Variants in TNKS observed in about 807,000 individuals in gnomAD.
TNKS encodes poly [ADP-ribose] polymerase tankyrase-1.
A neutral mutation model predicts 135.8 loss-of-function variants in TNKS; 72 were observed. The ratio of observed to expected loss-of-function variants is 0.53; its 90% CI spans 0.44 to 0.64. The LOEUF (loss-of-function observed/expected upper bound fraction) is 0.64, where lower values mean the gene tolerates loss of function less well. TNKS is among the 30% of genes least tolerant of loss of function. The pLI, the probability that TNKS is intolerant of heterozygous loss-of-function variation, is 0.00. For synonymous variants in TNKS, 849 were observed against 649.3 expected, an observed-to-expected ratio of 1.31 and a Z score of -4.68; for missense variants, 1,769 against 1,674.0, an observed-to-expected ratio of 1.06 and a Z score of -0.99.
intron 20 of TNKS, among the ~76,000 whole-genome samples, chr8:9,757,319 C>A (rs1469832125): frequency 6.6e-6 from 1 of 152,054 alleles, no homozygotes; most frequent in Admixed American, 6.5e-5. Flanking sequence ...TAGATAAGGC[C>A]CTTTAAGATC....
Position 9,731,086 on chromosome 8 carries a change from A to C in TNKS, c.2147+51A>C, listed in dbSNP as rs780776317. 20 of 1,476,992 alleles carry C rather than the reference A, an allele frequency of 1.4e-5. 1 individual carries two copies. In the South Asian group the frequency reaches 2.5e-4, roughly 19 times the overall value. The allele number at this position is 1,476,992 out of a possible 1,614,324, so 91.5% of individuals were successfully genotyped here. ...GGAGTCATTCTCTTCATGCTTAAAA[A>C]ATTTAAAATATTTTTGAAGTCTTAG... On this transcript the variant is annotated intron_variant, in intron 14 of 26. Transcript: ENST00000310430.
intron 21 of TNKS, among the ~76,000 whole-genome samples, chr8:9,762,156 A>G (rs958011598): frequency 5.3e-5 from 8 of 152,130 alleles, no homozygotes; most frequent in Non-Finnish European, 8.8e-5. Flanking sequence ...TCCCTCCCAC[A>G]TGACTGTCAG....
In TNKS at chr8:9,782,322, A is replaced by G. The variant is rs1808490351; in HGVS notation, c.*5586A>G. 1 of 152,660 alleles carries G rather than the reference A, an allele frequency of 6.6e-6. No individual in the cohort carries two copies. The highest frequency in any genetic ancestry group is 1.5e-5 in the Non-Finnish European group (1 of 68,048). 9.5% of individuals were successfully genotyped at this position (152,660 alleles called of 1,614,324 possible). A position where few individuals can be genotyped will look rare whatever the true frequency, so the allele number is the denominator to read the frequency against. On this transcript the variant is annotated 3_prime_UTR_variant, in exon 27 of 27. Coordinates refer to ENST00000310430, the MANE Select transcript of TNKS (RefSeq NM_003747.3). ...CTCACTGTACTTGTAAATGATTAATATTCAATAAAACCATTTTTAAAGTAC... is the reference window on the plus strand; with the variant it reads ...CTCACTGTACTTGTAAATGATTAATGTTCAATAAAACCATTTTTAAAGTAC...
At chr8:9,700,195 C>G (rs962652848) in intron 5 of TNKS, among the ~76,000 whole-genome samples, 3 of 152,136 alleles carry the variant, frequency 2.0e-5, no homozygotes, top group African/African-American at 7.2e-5. Context: ...ATTGTATTGC[C>G]TGCTTTCTCT....
rs1805654366 is a variant in TNKS, at chr8:9,735,525, A to G, written c.2643+39A>G. On this transcript the variant is annotated intron_variant, in intron 17 of 26. Coordinates refer to ENST00000310430, the MANE Select transcript of TNKS (RefSeq NM_003747.3). ...CATTAAAATCTAGAAAACTGACCGC[A>G]CGCGGTGGCTCACGCCTGTAATCCC... 5.9e-6 allele frequency: 9 copies of G among 1,534,716 alleles called. No individual in the cohort carries two copies. In the East Asian group the frequency reaches 1.6e-4, roughly 27 times the overall value.
intron 3 of TNKS, among the ~76,000 whole-genome samples, chr8:9,661,106 A>AT (rs1801688751): frequency 6.6e-6 from 1 of 152,058 alleles, no homozygotes; most frequent in Admixed American, 6.6e-5. Context: ...ATGGAAGAAC[A>AT]TTCCATGCTC....
intron 5 of TNKS, among the ~76,000 whole-genome samples, chr8:9,692,205 C>G (rs923391735): frequency 2.0e-5 from 3 of 152,192 alleles, no homozygotes; most frequent in African/African-American, 7.2e-5. Flanking sequence ...GCCAACTCCC[C>G]TCTCAAGCAG....
At chr8:9,604,527 A>G (rs548069390) in intron 2 of TNKS, among the ~76,000 whole-genome samples, 1 of 152,066 alleles carries the variant, frequency 6.6e-6, no homozygotes. Context: ...GGCTCACTAA[A>G]ATTTTCTTTC....
At chr8:9,659,772 G>A (rs1010311157) in intron 3 of TNKS, among the ~76,000 whole-genome samples, 12 of 151,896 alleles carry the variant, frequency 7.9e-5, no homozygotes, top group East Asian at 1.9e-4. Context: ...ACAAAAAACC[G>A]TTCAAAAAAA....
chr8:9,626,490 C>G (rs1447223193), intron 3 of TNKS, among the ~76,000 whole-genome samples: 1 of 152,204 alleles, frequency 6.6e-6, no homozygotes, highest in Non-Finnish European at 1.5e-5. Flanking sequence ...CAATAGGAAA[C>G]TAGTACAGTA....
intron 3 of TNKS, among the ~76,000 whole-genome samples, chr8:9,677,091 C>G (rs117986065): frequency 6.6e-6 from 1 of 152,138 alleles, no homozygotes; most frequent in Non-Finnish European, 1.5e-5. Flanking sequence ...GCTCTAAATT[C>G]ATTATGTTAG....
At position 9,575,546 on chromosome 8, in the gene TNKS, C is replaced by G. The variant is rs146980508; in HGVS notation, c.674-4613C>G. 1.3e-3 allele frequency: 641 copies of G among 476,292 alleles called. 2 individuals carry two copies. Among genetic ancestry groups the G allele is most frequent in the African/African-American group, 0.012 (588 of 47,412 alleles). The allele number at this position is 476,292 out of a possible 1,614,324, so 29.5% of individuals were successfully genotyped here. A position where few individuals can be genotyped will look rare whatever the true frequency, so the allele number is the denominator to read the frequency against. ...CCATAGTTACAAGTTATTTAAATATCTAAATGTGAAAGAATTATAATCTAG... is the reference window on the plus strand; with the variant it reads ...CCATAGTTACAAGTTATTTAAATATGTAAATGTGAAAGAATTATAATCTAG... On this transcript the variant is annotated intron_variant, in intron 1 of 26. Transcript: ENST00000310430.
chr8:9,734,470 C>G (rs1254832876), intron 15 of TNKS, among the ~76,000 whole-genome samples: 9 of 26,590 alleles, frequency 3.4e-4, no homozygotes. Flanking sequence ...GTGTGTCTTA[C>G]TCTACTCTCT....
intron 2 of TNKS, among the ~76,000 whole-genome samples, chr8:9,612,459 C>A (rs1044031767): frequency 6.6e-6 from 1 of 152,090 alleles, no homozygotes; most frequent in African/African-American, 2.4e-5. Context: ...TAGCACTGCC[C>A]AGGGTCAGGG....
chr8:9,731,580 A>G (rs1448395646), intron 14 of TNKS, among the ~76,000 whole-genome samples: 4 of 151,314 alleles, frequency 2.6e-5, no homozygotes, highest in Non-Finnish European at 5.9e-5. Context: ...TCCTCCAGAT[A>G]TTGTAAATGC....
At chr8:9,639,517 G>GA (rs1800644132) in intron 3 of TNKS, among the ~76,000 whole-genome samples, 1 of 143,810 alleles carries the variant, frequency 7.0e-6, no homozygotes, top group Non-Finnish European at 1.5e-5. Context: ...GTTTATCTAA[G>GA]CCTTTTTTTT....
Position 9,573,677 on chromosome 8 carries a change from G to A in TNKS, c.674-6482G>A, listed in dbSNP as rs115226333. On this transcript the variant is annotated intron_variant, in intron 1 of 26. Transcript: ENST00000310430. Reference sequence around the variant, plus strand: ...AATGGGATCTTTTTACGCTTAAAAAGCATGAGAGATGTAATATAAATGTTC... The same window carrying A: ...AATGGGATCTTTTTACGCTTAAAAAACATGAGAGATGTAATATAAATGTTC... 2.2e-3 allele frequency among the ~76,000 whole-genome samples: 338 copies of A among 152,268 alleles called. 1 individual carries two copies. The highest frequency in any genetic ancestry group is 7.5e-3 in the African/African-American group (310 of 41,558).
intron 22 of TNKS, among the ~76,000 whole-genome samples, chr8:9,764,266 G>A (rs1237674120): frequency 1.3e-5 from 2 of 151,930 alleles, no homozygotes; most frequent in Non-Finnish European, 1.5e-5. Context: ...CCTGGTCTGT[G>A]TAAATATACT....
At chr8:9,571,987 G>A (rs1349956093) in intron 1 of TNKS, among the ~76,000 whole-genome samples, 1 of 152,046 alleles carries the variant, frequency 6.6e-6, no homozygotes, top group African/African-American at 2.4e-5. Flanking sequence ...CCCAGACTTG[G>A]TTAAGTTTTC....
Sources: gnomAD v4.1 joint callset for allele counts (sites outside exome capture counted in the v4.1 genomes callset) on GRCh38, gnomAD v4.1.1 for gene constraint, MANE v1.5 for transcripts, NCBI Gene and HGNC (gene_info 2026-07-23, HGNC 2026-07-21) for gene names.